Variants in COX10 observed in about 807,000 individuals in gnomAD.
The protein encoded by COX10 is protoheme IX farnesyltransferase, mitochondrial.
Under a neutral mutation model 37.3 loss-of-function variants are expected in COX10, and 27 were observed. The ratio of observed to expected loss-of-function variants is 0.72; its 90% confidence interval spans 0.53 to 1.00. The LOEUF is 1.00. COX10 is among the 50% of genes least tolerant of loss of function. COX10 has a pLI of 0.00. For synonymous variants in COX10, 222 were observed against 229.1 expected (o/e 0.97, Z 0.28); for missense variants, 475 against 563.2 (o/e 0.84, Z 1.59).
intron 3 of COX10, 111 bp downstream of exon 3, chr17:14,077,167 C>G (rs560166082): frequency 9.9e-7 from 1 of 1,007,776 alleles, no homozygotes; most frequent in African/African-American, 1.6e-5. Context: ...CAGGTCCTGT[C>G]TTAGTATTTT....
intron 4 of COX10, among the ~76,000 whole-genome samples, chr17:14,130,076 A>G (rs1161826690): frequency 2.6e-5 from 4 of 152,198 alleles, no homozygotes; most frequent in African/African-American, 9.7e-5. Context: ...TGGAGTTTCA[A>G]CAAAAATTAA....
At chr17:14,119,083 C>T (rs554643509) in intron 4 of COX10, among the ~76,000 whole-genome samples, 12 of 151,914 alleles carry the variant, frequency 7.9e-5, no homozygotes, top group African/African-American at 2.7e-4. Context: ...TGTTATTTCC[C>T]TCTGTTTATT....
chr17:14,116,988 T>C (rs1441382039), intron 4 of COX10, among the ~76,000 whole-genome samples: 1 of 152,346 alleles, frequency 6.6e-6, no homozygotes, highest in African/African-American at 2.4e-5. Flanking sequence ...ACACATTCTT[T>C]TCATGTTATT....
chr17:14,177,112 G>C, intron 5 of COX10: 1 of 550,462 alleles, frequency 1.8e-6, no homozygotes, highest in East Asian at 3.0e-5. Flanking sequence ...TTGATTGCTT[G>C]TGTGAAATGC....
At chr17:14,200,067 C>T (rs1159926015) in intron 6 of COX10, among the ~76,000 whole-genome samples, 1 of 151,510 alleles carries the variant, frequency 6.6e-6, no homozygotes, top group Non-Finnish European at 1.5e-5. Context: ...CAAGGCCATG[C>T]GTGGATGGTG....
chr17:14,120,225 G>A (rs1397323905), intron 4 of COX10, among the ~76,000 whole-genome samples: 1 of 152,166 alleles, frequency 6.6e-6, no homozygotes, highest in Non-Finnish European at 1.5e-5. Flanking sequence ...TGCCCTCAGT[G>A]TAGCCAAGAG....
intron 3 of COX10, 29 bp from the exon 4 acceptor site, chr17:14,102,072 GGACTCCTGTTGGTAACA>G (rs1244928169): frequency 6.2e-7 from 1 of 1,612,940 alleles, no homozygotes; most frequent in Non-Finnish European, 8.5e-7. Context: ...TTTACAGTTG[GGACTCCTGTTGGTAACA>G]GTGTGTCTGC....
chr17:14,160,301 A>T (rs1905147514), intron 5 of COX10, among the ~76,000 whole-genome samples: 8 of 152,198 alleles, frequency 5.3e-5, no homozygotes. Context: ...GTCTCAGAAG[A>T]AGGATATGTC....
chr17:14,079,431 A>T (rs1915228932), intron 3 of COX10, among the ~76,000 whole-genome samples: 1 of 152,214 alleles, frequency 6.6e-6, no homozygotes, highest in Non-Finnish European at 1.5e-5. Context: ...ACATTCAAAA[A>T]GCTGCACTGG....
At chr17:14,117,971 G>T (rs896073600) in intron 4 of COX10, among the ~76,000 whole-genome samples, 21 of 152,014 alleles carry the variant, frequency 1.4e-4, no homozygotes, top group African/African-American at 4.8e-4. Context: ...GTCGTCTCCC[G>T]GAGTCAGGCC....
At chr17:14,073,014 A>G (rs1338948045) in intron 1 of COX10, among the ~76,000 whole-genome samples, 1 of 152,206 alleles carries the variant, frequency 6.6e-6, no homozygotes, top group African/African-American at 2.4e-5. Flanking sequence ...TGGTGTGCAA[A>G]TAAGGAAACG....
chr17:14,113,613 T>C (rs990002265), intron 4 of COX10, among the ~76,000 whole-genome samples: 53 of 152,270 alleles, frequency 3.5e-4, no homozygotes, highest in South Asian at 8.3e-4. Context: ...TAGATTCAGC[T>C]GCTAACCATG....
At chr17:14,181,847 ACTC>A (rs1193012044) in intron 5 of COX10, among the ~76,000 whole-genome samples, 1 of 152,006 alleles carries the variant, frequency 6.6e-6, no homozygotes, top group African/African-American at 2.4e-5. Context: ...AGTAGGAATC[ACTC>A]CTCCTTAAAA....
chr17:14,101,858 T>A (rs909290932), intron 3 of COX10, among the ~76,000 whole-genome samples: 1 of 152,232 alleles, frequency 6.6e-6, no homozygotes, highest in Non-Finnish European at 1.5e-5. Flanking sequence ...AAGTGAATGA[T>A]TGAATCTGGA....
chr17:14,106,020 TG>T (rs1457511757), intron 4 of COX10, among the ~76,000 whole-genome samples: 36 of 4,608 alleles, frequency 7.8e-3, no homozygotes, highest in South Asian at 0.036. Context: ...TTTTTGTTTT[TG>T]TTTTTTTTTG....
At chr17:14,157,444 G>A (rs546800361) in intron 4 of COX10, among the ~76,000 whole-genome samples, 25 of 152,310 alleles carry the variant, frequency 1.6e-4, no homozygotes, top group South Asian at 6.2e-4. Flanking sequence ...AACATTCTAG[G>A]CATTTATCCT....
rs562042059 is a variant in COX10 at position 14,163,656 on chromosome 17, C to G, written c.695+3709C>G. ...TTGAAAATGAATGTGAATGTATTCT[C>G]CAAGGAGAGCCATGTCTTAAAAGAA... On this transcript the variant is annotated intron_variant, in intron 5 of 6. Coordinates refer to ENST00000261643, the MANE Select transcript of COX10 (RefSeq NM_001303.4). 2.0e-5 allele frequency among the ~76,000 whole-genome samples: 3 copies of G among 152,222 alleles called. No individual in the cohort carries two copies. The East Asian group carries it at 5.8e-4, about 29-fold the overall frequency.
chr17:14,131,724 G>A (rs1916470481), intron 4 of COX10, among the ~76,000 whole-genome samples: 1 of 152,032 alleles, frequency 6.6e-6, no homozygotes, highest in Admixed American at 6.6e-5. Context: ...CCTGCAGCCT[G>A]TATTGTTGCC....
At chr17:14,164,448 C>T (rs903377608) in intron 5 of COX10, among the ~76,000 whole-genome samples, 2 of 152,122 alleles carry the variant, frequency 1.3e-5, no homozygotes, top group Non-Finnish European at 2.9e-5. Context: ...ATAAAATGTT[C>T]TATCATGTTT....
Sources: allele counts gnomAD v4.1 joint callset (sites outside exome capture counted in the v4.1 genomes callset), GRCh38; gene constraint gnomAD v4.1.1; transcripts MANE v1.5; gene names NCBI Gene and HGNC (gene_info 2026-07-23, HGNC 2026-07-21).